Variants in MYO10 observed in about 807,000 individuals in gnomAD.
MYO10 encodes the protein myosin X.
In MYO10, 133 loss-of-function variants were observed where a neutral mutation model predicts 257.3. The ratio of observed to expected loss-of-function variants is 0.52; its 90% confidence interval spans 0.45 to 0.60. The LOEUF (loss-of-function observed/expected upper bound fraction) is 0.60. MYO10 is among the 20% of genes least tolerant of loss of function. The pLI, the probability that MYO10 is intolerant of heterozygous loss-of-function variation, is 0.00. For synonymous variants in MYO10, 1,104 were observed against 1,028.6 expected, an observed-to-expected ratio of 1.07 and a Z score of -1.40; for missense variants, 2,399 against 2,635.7, an observed-to-expected ratio of 0.91 and a Z score of 1.97.
chr5:16,827,373 G>A lies in MYO10; in HGVS notation c.121-9206C>T, dbSNP rs1415005482. Among the ~76,000 whole-genome samples, 14 of 152,100 alleles carry A rather than the reference G, an allele frequency of 9.2e-5. No individual in the cohort carries two copies. The South Asian group carries it at 1.2e-3, about 14-fold the overall frequency. ...GTCTCGACTCACTGCAACCTCCTCC[G>A]CCTCCTGGGTTCAAGCAATTCTCCT... On this transcript the variant is annotated intron_variant, in intron 2 of 40. Transcript: ENST00000513610.
intron 19 of MYO10, among the ~76,000 whole-genome samples, chr5:16,740,761 A>G (rs1379896837): frequency 6.6e-6 from 1 of 152,076 alleles, no homozygotes; most frequent in Non-Finnish European, 1.5e-5. Context: ...GTATGAGAAA[A>G]CCAGTTTAAC....
intron 19 of MYO10, among the ~76,000 whole-genome samples, chr5:16,735,024 C>T (rs909419950): frequency 1.3e-5 from 2 of 152,118 alleles, no homozygotes; most frequent in African/African-American, 2.4e-5. Flanking sequence ...AAGTGACAAA[C>T]CAATGACCTG....
intron 19 of MYO10, among the ~76,000 whole-genome samples, chr5:16,752,427 C>T (rs973588250): frequency 3.9e-5 from 6 of 152,114 alleles, no homozygotes; most frequent in Non-Finnish European, 8.8e-5. Flanking sequence ...GGACTACAGA[C>T]GTGTGCCACC....
chr5:16,762,188 G>T, intron 15 of MYO10, 75 bp from the exon 16 acceptor site: 1 of 1,400,954 alleles, frequency 7.1e-7, no homozygotes, highest in Non-Finnish European at 9.3e-7. Flanking sequence ...GACTTCCAGA[G>T]AACACTAAAT....
chr5:16,921,582 T>G (rs1358370043), intron 1 of MYO10, among the ~76,000 whole-genome samples: 2 of 146,758 alleles, frequency 1.4e-5, no homozygotes, highest in Non-Finnish European at 3.0e-5. Context: ...GAAAGGCCAT[T>G]AGGAAACAGT....
intron 2 of MYO10, among the ~76,000 whole-genome samples, chr5:16,868,453 A>T (rs921691058): frequency 2.6e-5 from 4 of 152,042 alleles, no homozygotes; most frequent in African/African-American, 4.8e-5. Context: ...AAATACATAA[A>T]ATTAGCCAGG....
Position 16,662,911 on chromosome 5 carries a change from C to G in MYO10, c.*3781G>C, listed in dbSNP as rs767628692. On this transcript the variant is annotated 3_prime_UTR_variant, in exon 41 of 41. Transcript: ENST00000513610. Reference sequence around the variant, plus strand: ...TTTGCTGTCCACCATGATTGTGAGGCCTCCCCAGGCATGTGAGACTGAGTC... The same window carrying G: ...TTTGCTGTCCACCATGATTGTGAGGGCTCCCCAGGCATGTGAGACTGAGTC... The G allele has an allele frequency of 6.6e-6, 1 of 152,172 alleles. No homozygotes were observed. Among genetic ancestry groups the G allele is most frequent in the African/African-American group, 2.4e-5 (1 of 41,436 alleles). The allele number at this position is 152,172 out of a possible 1,614,324, so 9.4% of individuals were successfully genotyped here.
rs577664861 is a variant in MYO10, at chr5:16,851,775, G to A, written c.120+25834C>T. ...TTAATTGAAGAAAGACTTAATGGCC[G>A]GGCGTGGTGGCTCATGCCTGTAATC... On this transcript the variant is annotated intron_variant, in intron 2 of 40. Coordinates refer to ENST00000513610, the MANE Select transcript of MYO10 (RefSeq NM_012334.3). 3.4e-4 allele frequency among the ~76,000 whole-genome samples: 51 copies of A among 152,224 alleles called. 1 individual carries two copies. The highest frequency in any genetic ancestry group is 1.2e-3 in the African/African-American group (48 of 41,552).
intron 18 of MYO10, among the ~76,000 whole-genome samples, chr5:16,755,454 C>T (rs1218045838): frequency 6.6e-6 from 1 of 152,198 alleles, no homozygotes; most frequent in Non-Finnish European, 1.5e-5. Flanking sequence ...CGTGAGCCAC[C>T]GCGCCCGGCC....
chr5:16,675,938 G>T, intron 34 of MYO10, 93 bp downstream of exon 34: 1 of 1,403,630 alleles, frequency 7.1e-7, no homozygotes, highest in Non-Finnish European at 9.6e-7. Flanking sequence ...GAGTCTTTGA[G>T]ATAAAAACAA....
chr5:16,763,617 A>C, intron 13 of MYO10, 38 bp downstream of exon 13: 2 of 1,142,254 alleles, frequency 1.8e-6, no homozygotes, highest in Non-Finnish European at 2.5e-6. Context: ...TTGCTGCTTT[A>C]AAAAAAAAAA....
chr5:16,761,692 C>A, intron 16 of MYO10, 146 bp from the exon 17 acceptor site: 1 of 693,034 alleles, frequency 1.4e-6, no homozygotes, highest in Admixed American at 2.8e-5. Context: ...GCTCTATTTC[C>A]CAGGCTGAAG....
intron 1 of MYO10, among the ~76,000 whole-genome samples, chr5:16,934,833 G>C (rs897566723): frequency 6.6e-6 from 1 of 152,174 alleles, no homozygotes; most frequent in Admixed American, 6.5e-5. Flanking sequence ...GGCTAACACA[G>C]AGGCAAGCCC....
At chr5:16,727,003 G>A (rs540211455) in intron 19 of MYO10, among the ~76,000 whole-genome samples, 71 of 152,328 alleles carry the variant, frequency 4.7e-4, no homozygotes, top group African/African-American at 1.7e-3. Flanking sequence ...ATAAAAGCTA[G>A]ACAAACAGGG....
At chr5:16,703,186 G>C (rs572818109) in intron 22 of MYO10, 28 bp from the exon 23 acceptor site, 5 of 1,529,124 alleles carry the variant, frequency 3.3e-6, no homozygotes, top group Non-Finnish European at 3.6e-6. Context: ...CAAGAGAATC[G>C]GCATTGAAGT....
intron 2 of MYO10, among the ~76,000 whole-genome samples, chr5:16,830,679 G>GCACACACACACACGCTCACACACACACA (rs1554000806): frequency 4.0e-5 from 6 of 148,918 alleles, no homozygotes; most frequent in African/African-American, 1.5e-4. Context: ...TTTTTAATAG[G>GCACACACACACACGCTCACACACACACA]CACACACACA....
In MYO10 at chr5:16,701,988, CAGAATGTG is replaced by C; in HGVS notation, c.2557-158_2557-151del. The C allele has an allele frequency of 1.2e-6, 1 of 869,074 alleles. No homozygotes were observed. Among genetic ancestry groups the C allele is most frequent in the Non-Finnish European group, 1.7e-6 (1 of 587,680 alleles). 53.8% of individuals were successfully genotyped at this position (869,074 alleles called of 1,614,324 possible). ...GGTTGAAGTCCTAACCCCAATACTG[CAGAATGTG>C]ACTGCATTTGGAGATACAGCTTTTA... is the stretch of plus-strand genomic sequence containing the variant. On this transcript the variant is annotated intron_variant, in intron 24 of 40. Transcript: ENST00000513610. The surrounding 1 kb of genome is among the most constrained non-coding windows in gnomAD (Gnocchi z 8.1).
chr5:16,708,280 T>C (rs1034267590), intron 21 of MYO10, among the ~76,000 whole-genome samples: 4 of 152,200 alleles, frequency 2.6e-5, no homozygotes, highest in Non-Finnish European at 4.4e-5. Flanking sequence ...GTTTCCTTAC[T>C]CCTTTAAAAA....
intron 40 of MYO10, 125 bp downstream of exon 40, chr5:16,668,152 A>G (rs1385977456): frequency 4.8e-6 from 5 of 1,051,136 alleles, no homozygotes; most frequent in African/African-American, 1.6e-5. Flanking sequence ...ACCACACTGT[A>G]TTTTCGTGTT....
Sources: allele counts gnomAD v4.1 joint callset (sites outside exome capture counted in the v4.1 genomes callset), GRCh38; gene constraint gnomAD v4.1.1; non-coding constraint Gnocchi (gnomAD v3.1); transcripts MANE v1.5; gene names NCBI Gene and HGNC (gene_info 2026-07-23, HGNC 2026-07-21).